PDZD2: variants seen among roughly 807,000 people sequenced by gnomAD.
The protein encoded by PDZD2 is PDZ domain-containing protein 2.
In PDZD2, 90 loss-of-function variants were observed where a neutral mutation model predicts 220.7. The ratio of observed to expected loss-of-function variants is 0.41; its 90% CI spans 0.34 to 0.49. The LOEUF (loss-of-function observed/expected upper bound fraction) is 0.49, where lower values mean the gene tolerates loss of function less well. PDZD2 is among the 20% of genes least tolerant of loss of function. The probability of loss-of-function intolerance (pLI) is 0.28; values close to 1 mark genes in which losing one functional copy is unlikely to be tolerated. For synonymous variants in PDZD2, 1,375 were observed against 1,450.5 expected (o/e 0.95, Z 1.18); for missense variants, 3,174 against 3,608.5 (o/e 0.88, Z 3.08).
intron 1 of PDZD2, among the ~76,000 whole-genome samples, chr5:31,796,906 G>GT (rs888999549): frequency 3.0e-4 from 45 of 150,850 alleles, no homozygotes; most frequent in African/African-American, 7.5e-4. Context: ...TATTTACGGG[G>GT]TTTTTTTTGT....
At chr5:31,763,765 C>T (rs1242882161) in intron 1 of PDZD2, among the ~76,000 whole-genome samples, 2 of 151,508 alleles carry the variant, frequency 1.3e-5, no homozygotes, top group Non-Finnish European at 2.9e-5. Flanking sequence ...CTCATCAAAG[C>T]TGGTCATCTG....
At chr5:31,987,122 T>C (rs1390242547) in intron 3 of PDZD2, among the ~76,000 whole-genome samples, 1 of 152,170 alleles carries the variant, frequency 6.6e-6, no homozygotes, top group African/African-American at 2.4e-5. Flanking sequence ...TCTTTACTAC[T>C]CTGAGAGTTT....
chr5:31,926,269 C>T (rs1476906001), intron 2 of PDZD2, among the ~76,000 whole-genome samples: 1 of 151,236 alleles, frequency 6.6e-6, no homozygotes, highest in Non-Finnish European at 1.5e-5. Context: ...TGGCTCACGC[C>T]TGTAATCCCA....
chr5:31,809,833 T>C (rs1016799179), intron 2 of PDZD2, among the ~76,000 whole-genome samples: 102 of 152,294 alleles, frequency 6.7e-4, no homozygotes, highest in African/African-American at 2.4e-3. Flanking sequence ...AGGATTGAGG[T>C]TTCAGAGCCA....
At chr5:31,727,213 C>G (rs1043066067) in intron 1 of PDZD2, among the ~76,000 whole-genome samples, 2 of 152,186 alleles carry the variant, frequency 1.3e-5, no homozygotes, top group African/African-American at 4.8e-5. Context: ...TCCAAGCTAT[C>G]TGAAGAGCCA....
intron 2 of PDZD2, among the ~76,000 whole-genome samples, chr5:31,965,334 G>A (rs1748635332): frequency 6.6e-6 from 1 of 152,228 alleles, no homozygotes; most frequent in African/African-American, 2.4e-5. Context: ...CAGGGGATTG[G>A]TTTGACCAGA....
At chr5:31,755,513 C>T (rs1262584521) in intron 1 of PDZD2, among the ~76,000 whole-genome samples, 1 of 152,178 alleles carries the variant, frequency 6.6e-6, no homozygotes, top group African/African-American at 2.4e-5. Context: ...TTCTCTCTCT[C>T]CTCGAATGAG....
At chr5:31,825,282 G>A (rs986011625) in intron 2 of PDZD2, among the ~76,000 whole-genome samples, 2 of 152,224 alleles carry the variant, frequency 1.3e-5, no homozygotes, top group East Asian at 3.8e-4. Context: ...TACAGTTACA[G>A]AATGGCAGAC....
intron 2 of PDZD2, among the ~76,000 whole-genome samples, chr5:31,933,707 T>G (rs561714428): frequency 6.6e-6 from 1 of 152,290 alleles, no homozygotes; most frequent in East Asian, 1.9e-4. Context: ...CCCTGTGATG[T>G]TGGAAAGCTT....
In PDZD2 at chr5:32,058,434, C is replaced by T. The variant is rs1288769452; in HGVS notation, c.2200+331C>T. 4.6e-5 allele frequency among the ~76,000 whole-genome samples: 7 copies of T among 151,104 alleles called. No homozygotes were observed. The East Asian group carries it at 7.8e-4, about 17-fold the overall frequency. The stretch of plus-strand genomic sequence containing the variant: ...CTGTAATCCTAGCACTTTGGGAAGC[C>T]GAGGCAGGTAGATCACCTGAGGTCA... On this transcript the variant is annotated intron_variant, in intron 12 of 24. Transcript: ENST00000438447.
At chr5:31,685,811 G>A (rs757511349) in intron 1 of PDZD2, among the ~76,000 whole-genome samples, 10 of 150,776 alleles carry the variant, frequency 6.6e-5, no homozygotes, top group East Asian at 1.9e-4. Context: ...GTGAGTCACC[G>A]CACCCAGCCC....
intron 2 of PDZD2, among the ~76,000 whole-genome samples, chr5:31,976,739 A>G (rs1228191486): frequency 9.7e-6 from 1 of 103,312 alleles, no homozygotes; most frequent in Non-Finnish European, 1.8e-5. Context: ...TTTTTTTGTG[A>G]CAGAGTCTCC....
chr5:32,001,886 C>T lies in PDZD2; in HGVS notation c.1254+1615C>T, dbSNP rs138192303. The stretch of plus-strand genomic sequence containing the variant: ...GAGACTAGGGCAGAGGCTATGTGAC[C>T]GAGGAACTGGTGAAGTGGAGCCATG... On this transcript the variant is annotated intron_variant, in intron 5 of 24. Transcript: ENST00000438447. Among the ~76,000 whole-genome samples the T allele has an allele frequency of 1.9e-3, 295 of 152,244 alleles. 1 individual carries two copies. The highest frequency in any genetic ancestry group is 6.8e-3 in the African/African-American group (283 of 41,538).
rs148361099 is a variant in PDZD2, at chr5:32,089,885, C to T, written c.6437C>T (p.Ser2146Leu). The change falls in exon 20 of 25, where the codon TCA becomes TTA. Residue 2146 changes from serine (S) to leucine (L), a missense_variant. By Grantham distance (145) the Ser-to-Leu change is moderately radical. Transcript: ENST00000438447. Reference protein sequence around the residue: ...VAESSTSHPSSLPSHASQAEQ... With the variant: ...VAESSTSHPSLLPSHASQAEQ... ...GAATCATCCACAAGTCATCCATCCT[C>T]ACTCCCATCTCATGCCTCCCAGGCA... The T allele has an allele frequency of 4.1e-4, 654 of 1,613,026 alleles. 1 individual carries two copies. Among genetic ancestry groups the T allele is most frequent in the Non-Finnish European group, 5.1e-4 (607 of 1,179,400 alleles).
At chr5:31,896,169 G>T (rs935966227) in intron 2 of PDZD2, among the ~76,000 whole-genome samples, 1 of 152,028 alleles carries the variant, frequency 6.6e-6, no homozygotes, top group Non-Finnish European at 1.5e-5. Flanking sequence ...GTGACGGAAA[G>T]GTAAAAAATA....
chr5:31,894,230 G>A (rs1484971731), intron 2 of PDZD2, among the ~76,000 whole-genome samples: 1 of 151,888 alleles, frequency 6.6e-6, no homozygotes, highest in African/African-American at 2.4e-5. Flanking sequence ...TGCATTTTAA[G>A]GGTGCTCTAT....
intron 1 of PDZD2, among the ~76,000 whole-genome samples, chr5:31,785,690 C>T (rs1753341952): frequency 2.6e-5 from 4 of 152,038 alleles, no homozygotes; most frequent in Admixed American, 2.6e-4. Flanking sequence ...ATCCTCCTGC[C>T]TCAGCCTCCC....
chr5:32,101,862 AC>A (rs769352700), intron 24 of PDZD2, among the ~76,000 whole-genome samples: 24 of 152,208 alleles, frequency 1.6e-4, no homozygotes, highest in Non-Finnish European at 2.8e-4. Context: ...TCATAATTGT[AC>A]TAATAATATT....
intron 2 of PDZD2, among the ~76,000 whole-genome samples, chr5:31,834,206 A>G (rs961424178): frequency 6.6e-6 from 1 of 152,062 alleles, no homozygotes; most frequent in Non-Finnish European, 1.5e-5. Flanking sequence ...TCTTTAAGGG[A>G]CCCCACAGCT....
Sources: allele counts gnomAD v4.1 joint callset (sites outside exome capture counted in the v4.1 genomes callset), GRCh38; gene constraint gnomAD v4.1.1; transcripts MANE v1.5; gene names NCBI Gene and HGNC (gene_info 2026-07-23, HGNC 2026-07-21).